The following CCDC83 variants were observed in gnomAD, a reference collection of about 807,000 sequenced individuals.
The protein encoded by CCDC83 is coiled-coil domain containing 83.
CCDC83 carries 54 observed loss-of-function variants against 50.1 expected under a neutral mutation model. That is an observed-to-expected ratio of 1.08 (90% CI 0.87 to 1.35). The LOEUF (loss-of-function observed/expected upper bound fraction) is 1.35, where lower values mean the gene tolerates loss of function less well. CCDC83 is among the 40% of genes most tolerant of loss of function. CCDC83 has a pLI of 0.00. For missense variants in CCDC83, 518 were observed against 473.9 expected (o/e 1.09, Z -0.86); for synonymous variants, 161 against 153.3 (o/e 1.05, Z -0.37).
chr11:85,890,785 T>G (rs569861761), intron 5 of CCDC83, among the ~76,000 whole-genome samples: 50 of 152,310 alleles, frequency 3.3e-4, no homozygotes, highest in African/African-American at 9.9e-4. Context: ...GGAAAGGGGA[T>G]TGGCATAACT....
chr11:85,917,286 G>GGAAA (rs1009451977), intron 10 of CCDC83, among the ~76,000 whole-genome samples: 2 of 131,030 alleles, frequency 1.5e-5, no homozygotes, highest in Non-Finnish European at 1.7e-5. Context: ...AAAGAAGGAA[G>GGAAA]GAAAGAAAGA....
chr11:85,917,231 A>AG (rs1554986960), intron 10 of CCDC83, among the ~76,000 whole-genome samples: 103 of 134,038 alleles, frequency 7.7e-4, no homozygotes, highest in Non-Finnish European at 1.1e-3. Context: ...AGAAAGAAAG[A>AG]AAAGAAAGAA....
At chr11:85,886,060 A>G (rs1337590569) in intron 4 of CCDC83, 140 bp from the exon 5 acceptor site, 2 of 590,878 alleles carry the variant, frequency 3.4e-6, no homozygotes, top group Non-Finnish European at 5.2e-6. Flanking sequence ...ATAGTTTAGA[A>G]TTTCCTAAAT....
chr11:85,907,185 A>G (rs568449707), intron 7 of CCDC83, among the ~76,000 whole-genome samples: 19 of 152,344 alleles, frequency 1.2e-4, no homozygotes, highest in African/African-American at 4.6e-4. Flanking sequence ...ATAACCAAAA[A>G]TATAAATCAC....
intron 1 of CCDC83, among the ~76,000 whole-genome samples, chr11:85,857,944 A>C (rs2093152229): frequency 6.6e-6 from 1 of 152,244 alleles, no homozygotes; most frequent in Non-Finnish European, 1.5e-5. Flanking sequence ...TGGCACTTTA[A>C]GCAGATGAAG....
At chr11:85,888,904 T>G (rs924530453) in intron 5 of CCDC83, among the ~76,000 whole-genome samples, 1 of 152,374 alleles carries the variant, frequency 6.6e-6, no homozygotes, top group Non-Finnish European at 1.5e-5. Flanking sequence ...CTGATCTGCC[T>G]ATGCATTTGT....
chr11:85,898,472 C>T (rs1223982415), intron 6 of CCDC83, among the ~76,000 whole-genome samples: 1 of 152,178 alleles, frequency 6.6e-6, no homozygotes, highest in Admixed American at 6.5e-5. Context: ...AGACTAGCTA[C>T]AGCCTACCCT....
intron 6 of CCDC83, 49 bp from the exon 7 acceptor site, chr11:85,898,898 G>C (rs780641203): frequency 8.1e-7 from 1 of 1,241,092 alleles, no homozygotes; most frequent in Non-Finnish European, 1.2e-6. Context: ...TGCTAAAATT[G>C]TGAATCAGCA....
At chr11:85,889,988 A>G (rs1380945661) in intron 5 of CCDC83, among the ~76,000 whole-genome samples, 2 of 152,302 alleles carry the variant, frequency 1.3e-5, no homozygotes, top group Admixed American at 1.3e-4. Flanking sequence ...GAGGCCAGGA[A>G]AAGGTTGTTA....
Position 85,917,162 on chromosome 11 carries a change from G to GAAAGAAAGAAAGAAAGAA in CCDC83, c.1080+930_1080+931insAAGAAAGAAAGAAAGAAA, listed in dbSNP as rs1474775065. On this transcript the variant is annotated intron_variant, in intron 10 of 10. Transcript: ENST00000342404. ...AGAGAGAGAGAGAGAGAGAGAGAGAGAGAGAGAAAGAAAGAAAGAAAGAAA... is the reference window on the plus strand; with the variant it reads ...AGAGAGAGAGAGAGAGAGAGAGAGAGAAAGAAAGAAAGAAAGAAAGAGAGAAAGAAAGAAAGAAAGAAA... 3.8e-3 allele frequency among the ~76,000 whole-genome samples: 250 copies of GAAAGAAAGAAAGAAAGAA among 65,656 alleles called. 2 individuals carry two copies. Among genetic ancestry groups the GAAAGAAAGAAAGAAAGAA allele is most frequent in the African/African-American group, 4.9e-3 (91 of 18,690 alleles). The allele number at this position is 65,656 out of a possible 152,430, so 43.1% of individuals were successfully genotyped here.
chr11:85,872,268 T>A (rs1227601673), intron 2 of CCDC83, among the ~76,000 whole-genome samples: 1 of 151,956 alleles, frequency 6.6e-6, no homozygotes, highest in Non-Finnish European at 1.5e-5. Context: ...GCAGATCACT[T>A]GAGGTCAGGA....
intron 5 of CCDC83, 143 bp from the exon 6 acceptor site, chr11:85,895,150 A>G: frequency 3.5e-6 from 1 of 288,352 alleles, no homozygotes. Flanking sequence ...TGCTACCCGA[A>G]CAGATAATAA....
intron 7 of CCDC83, among the ~76,000 whole-genome samples, chr11:85,902,198 T>C (rs1190387098): frequency 6.6e-6 from 1 of 152,060 alleles, no homozygotes; most frequent in Non-Finnish European, 1.5e-5. Flanking sequence ...TGAAGTTAAC[T>C]ACAAGGGAAT....
At chr11:85,879,043 A>G (rs2093284370) in intron 3 of CCDC83, among the ~76,000 whole-genome samples, 1 of 151,980 alleles carries the variant, frequency 6.6e-6, no homozygotes, top group Non-Finnish European at 1.5e-5. Flanking sequence ...CCTTTCTTGG[A>G]TATGTTATTT....
At chr11:85,882,809 C>A in intron 4 of CCDC83, 134 bp downstream of exon 4, 1 of 767,200 alleles carries the variant, frequency 1.3e-6, no homozygotes, top group South Asian at 1.9e-5. Flanking sequence ...ACCGCAGCCA[C>A]AAACACATGT....
At chr11:85,887,621 C>T (rs12280977) in intron 5 of CCDC83, among the ~76,000 whole-genome samples, 41,162 of 151,678 alleles carry the variant, frequency 0.27, 5,966 homozygotes, top group African/African-American at 0.3. Context: ...TCTCCCACTA[C>T]TACCAGTTTC....
chr11:85,906,897 T>A lies in CCDC83; in HGVS notation c.673-4384T>A, dbSNP rs552337317. On this transcript the variant is annotated intron_variant, in intron 7 of 10. Transcript: ENST00000342404. ...GAGATCCTGTCTCAAAAAATTAAAT[T>A]AAATTAAATTAAATTAAATTAAATA... Among the ~76,000 whole-genome samples, 491 of 148,318 alleles carry A rather than the reference T, an allele frequency of 3.3e-3. 8 individuals carry two copies. Among genetic ancestry groups the A allele is most frequent in the African/African-American group, 6.3e-3 (258 of 41,250 alleles).
At chr11:85,862,499 A>G (rs909403321) in intron 1 of CCDC83, among the ~76,000 whole-genome samples, 3 of 152,304 alleles carry the variant, frequency 2.0e-5, no homozygotes, top group East Asian at 3.9e-4. Context: ...CTGTCTTCCT[A>G]TCTGTCTGAG....
intron 8 of CCDC83, among the ~76,000 whole-genome samples, chr11:85,913,408 C>T (rs929581647): frequency 6.6e-6 from 1 of 152,192 alleles, no homozygotes; most frequent in African/African-American, 2.4e-5. Flanking sequence ...CAATTATCTG[C>T]TAGACTTCTT....
Sources: gnomAD v4.1 joint callset for allele counts (sites outside exome capture counted in the v4.1 genomes callset) on GRCh38, gnomAD v4.1.1 for gene constraint, MANE v1.5 for transcripts, NCBI Gene and HGNC (gene_info 2026-07-23, HGNC 2026-07-21) for gene names.